Variants in PAK1 observed in about 807,000 individuals in gnomAD.
PAK1 encodes the protein p21 (RAC1) activated kinase 1.
In PAK1, 29 loss-of-function variants were observed where a neutral mutation model predicts 67.4. That is an observed-to-expected ratio of 0.43 (90% CI 0.32 to 0.59). The LOEUF is 0.59. PAK1 is among the 20% of genes least tolerant of loss of function. The probability of loss-of-function intolerance (pLI) is 0.07; values close to 1 mark genes in which losing one functional copy is unlikely to be tolerated. For missense variants in PAK1, 337 were observed against 670.7 expected, an observed-to-expected ratio of 0.50 and a Z score of 5.50; for synonymous variants, 223 against 237.4, an observed-to-expected ratio of 0.94 and a Z score of 0.56.
the PAK1 span, among the ~76,000 whole-genome samples, chr11:77,503,917 C>A: frequency 1.3e-5 from 2 of 152,184 alleles, no homozygotes; most frequent in Middle Eastern, 6.8e-3. Context: ...GAGATGGAGT[C>A]TCCTCTCTCT....
intron 1 of PAK1, among the ~76,000 whole-genome samples, chr11:77,471,165 A>G (rs1262276333): frequency 6.6e-6 from 1 of 152,144 alleles, no homozygotes; most frequent in Admixed American, 6.5e-5. Context: ...TCCCAGTCTC[A>G]GGAAGCTTTC....
intron 1 of PAK1, among the ~76,000 whole-genome samples, chr11:77,426,624 C>G (rs1254490047): frequency 6.6e-6 from 1 of 151,988 alleles, no homozygotes; most frequent in African/African-American, 2.4e-5. Flanking sequence ...CAATTAGCAC[C>G]AGGCAGATGG....
At chr11:77,471,535 C>G (rs2135576580) in intron 1 of PAK1, among the ~76,000 whole-genome samples, 2 of 152,244 alleles carry the variant, frequency 1.3e-5, no homozygotes, top group South Asian at 4.1e-4. Flanking sequence ...ACAAGGTCAT[C>G]TCCACAGGCA....
At chr11:77,491,362 G>A in the PAK1 span, among the ~76,000 whole-genome samples, 2 of 151,982 alleles carry the variant, frequency 1.3e-5, no homozygotes, top group Admixed American at 1.3e-4. Context: ...GCAGGGGGAT[G>A]AAGCTAAAGT....
intron 1 of PAK1, among the ~76,000 whole-genome samples, chr11:77,414,904 AT>A (rs1252012005): frequency 1.3e-5 from 2 of 152,396 alleles, no homozygotes; most frequent in Non-Finnish European, 2.9e-5. Flanking sequence ...GTTAGACTGG[AT>A]TAAAATTTAA....
intron 1 of PAK1, among the ~76,000 whole-genome samples, chr11:77,450,783 A>G (rs1355013225): frequency 1.3e-5 from 2 of 152,228 alleles, no homozygotes; most frequent in Non-Finnish European, 2.9e-5. Context: ...ACATACTGCT[A>G]TTCAGTGGGC....
At position 77,446,551 on chromosome 11, in the gene PAK1, G is replaced by A. The variant is rs200685502; in HGVS notation, c.-22+27001C>T. Among the ~76,000 whole-genome samples the A allele has an allele frequency of 4.7e-5, 7 of 148,600 alleles. No homozygotes were observed. The East Asian group carries it at 1.2e-3, about 25-fold the overall frequency. On this transcript the variant is annotated intron_variant, in intron 1 of 14. Coordinates refer to ENST00000356341, the MANE Select transcript of PAK1 (RefSeq NM_002576.5). Reference sequence around the variant, plus strand: ...AAAAAAAAAGAAAGTTCAGACCCAAGGTCATATAGTTAATAGATGATGGAG... The same window carrying A: ...AAAAAAAAAGAAAGTTCAGACCCAAAGTCATATAGTTAATAGATGATGGAG...
intron 14 of PAK1, among the ~76,000 whole-genome samples, chr11:77,331,762 G>A (rs1941582705): frequency 1.1e-5 from 1 of 87,616 alleles, no homozygotes; most frequent in Non-Finnish European, 2.3e-5. Flanking sequence ...TTGTGCACAT[G>A]TACCCTAAAA....
At chr11:77,504,457 A>C in the PAK1 span, among the ~76,000 whole-genome samples, 1 of 152,204 alleles carries the variant, frequency 6.6e-6, no homozygotes, top group Non-Finnish European at 1.5e-5. Flanking sequence ...TGGCTAGAAA[A>C]GGCAGGAGTA....
intron 1 of PAK1, among the ~76,000 whole-genome samples, chr11:77,463,894 A>T (rs1204265199): frequency 6.6e-6 from 1 of 152,240 alleles, no homozygotes; most frequent in Non-Finnish European, 1.5e-5. Flanking sequence ...ACTGAAAGAT[A>T]CGGTTAGCCT....
chr11:77,446,434 C>T (rs1409221075), intron 1 of PAK1, among the ~76,000 whole-genome samples: 2 of 151,246 alleles, frequency 1.3e-5, no homozygotes, highest in Non-Finnish European at 2.9e-5. Context: ...AACACTTGAA[C>T]CCAGGAGACA....
chr11:77,354,628 G>A (rs1188374837), intron 7 of PAK1, among the ~76,000 whole-genome samples: 9 of 152,164 alleles, frequency 5.9e-5, no homozygotes, highest in African/African-American at 2.2e-4. Context: ...GGAGTAAACA[G>A]ATGACTAGGT....
At chr11:77,480,757 C>T in the PAK1 span, among the ~76,000 whole-genome samples, 3 of 152,138 alleles carry the variant, frequency 2.0e-5, no homozygotes, top group African/African-American at 7.2e-5. Flanking sequence ...CTCCTGACCT[C>T]AAGTGATCCA....
At chr11:77,481,253 C>T in the PAK1 span, among the ~76,000 whole-genome samples, 4 of 152,114 alleles carry the variant, frequency 2.6e-5, no homozygotes, top group African/African-American at 7.2e-5. Flanking sequence ...GATCCATCAA[C>T]TTAATGTAAA....
chr11:77,408,467 G>A (rs1008495004), intron 1 of PAK1, among the ~76,000 whole-genome samples: 5 of 151,156 alleles, frequency 3.3e-5, no homozygotes, highest in African/African-American at 1.2e-4. Flanking sequence ...TGGCAAGGAT[G>A]GGGAGAAAGA....
At chr11:77,398,497 T>C (rs1952150599) in intron 1 of PAK1, among the ~76,000 whole-genome samples, 1 of 152,210 alleles carries the variant, frequency 6.6e-6, no homozygotes, top group African/African-American at 2.4e-5. Context: ...ATCCATGTTG[T>C]TGCAAATGAC....
chr11:77,384,758 C>T (rs568309), intron 2 of PAK1, among the ~76,000 whole-genome samples: 105,771 of 152,016 alleles, frequency 0.7, 37,557 homozygotes, highest in African/African-American at 0.84. Context: ...AAGTGAGGAA[C>T]GACTGCAATG....
At chr11:77,341,864 C>T (rs781738228) in intron 10 of PAK1, among the ~76,000 whole-genome samples, 6 of 152,246 alleles carry the variant, frequency 3.9e-5, no homozygotes, top group East Asian at 1.9e-4. Flanking sequence ...GACTACTAAT[C>T]GACAGCTCTT....
At chr11:77,349,124 C>CAA (rs34167967) in intron 9 of PAK1, 115 bp downstream of exon 9, 15,972 of 505,268 alleles carry the variant, frequency 0.032, 21 homozygotes, top group South Asian at 0.044. Context: ...GACCCCATCC[C>CAA]AAAAAAAAAA....
Sources: gnomAD v4.1 joint callset for allele counts (sites outside exome capture counted in the v4.1 genomes callset) on GRCh38, gnomAD v4.1.1 for gene constraint, MANE v1.5 for transcripts, NCBI Gene and HGNC (gene_info 2026-07-23, HGNC 2026-07-21) for gene names.